SYNJ1: variants seen among roughly 807,000 people sequenced by gnomAD.
SYNJ1 encodes the protein synaptojanin 1, also known as polyphosphatidylinositol phosphatase SYNJ1.
A neutral mutation model predicts 168.2 loss-of-function variants in SYNJ1; 78 were observed. That is an observed-to-expected ratio of 0.46 (90% confidence interval 0.39 to 0.56). The LOEUF (loss-of-function observed/expected upper bound fraction) is 0.56, where lower values mean the gene tolerates loss of function less well. SYNJ1 is among the 20% of genes least tolerant of loss of function. SYNJ1 has a pLI of 0.00. For synonymous variants in SYNJ1, 539 were observed against 548.6 expected, an observed-to-expected ratio of 0.98 and a Z score of 0.24; for missense variants, 1,303 against 1,597.6, an observed-to-expected ratio of 0.82 and a Z score of 3.14.
rs2042440928 is a variant in SYNJ1 at position 32,702,470 on chromosome 21, GT to G, written c.125-424del. On this transcript the variant is annotated intron_variant, in intron 2 of 32. Coordinates refer to ENST00000674351, the MANE Select transcript of SYNJ1 (RefSeq NM_203446.3). Reference sequence around the variant, plus strand: ...TCTGCTATAAAGTTAACGTTACCTTGTTAATGAATATAAACCACAGAATAAT... The same window carrying G: ...TCTGCTATAAAGTTAACGTTACCTTGTAATGAATATAAACCACAGAATAAT... 1.3e-5 allele frequency among the ~76,000 whole-genome samples: 2 copies of G among 152,070 alleles called. 1 individual carries two copies. The highest frequency in any genetic ancestry group is 4.1e-4 in the South Asian group (2 of 4,832).
chr21:32,704,636 G>A (rs777340188), intron 2 of SYNJ1, among the ~76,000 whole-genome samples: 21 of 152,142 alleles, frequency 1.4e-4, no homozygotes, highest in African/African-American at 4.6e-4. Flanking sequence ...GGGGCACCCC[G>A]GCATGGTAAG....
chr21:32,722,885 A>C (rs1374961496), intron 2 of SYNJ1, among the ~76,000 whole-genome samples: 1 of 152,202 alleles, frequency 6.6e-6, no homozygotes, highest in Non-Finnish European at 1.5e-5. Context: ...AGCCCCATAA[A>C]AGACAACAGC....
At chr21:32,647,929 A>G (rs995878671) in intron 23 of SYNJ1, among the ~76,000 whole-genome samples, 7 of 151,910 alleles carry the variant, frequency 4.6e-5, no homozygotes, top group African/African-American at 1.7e-4. Context: ...TTACTGCAAA[A>G]CTCCTTAACC....
At chr21:32,704,058 A>G (rs2146247661) in intron 2 of SYNJ1, among the ~76,000 whole-genome samples, 1 of 152,268 alleles carries the variant, frequency 6.6e-6, no homozygotes, top group Admixed American at 6.5e-5. Context: ...AAAACAGAGA[A>G]GTCATTCTAT....
chr21:32,727,952 C>T lies in SYNJ1; in HGVS notation c.-29G>A, dbSNP rs2043550944. The T allele has an allele frequency of 6.5e-7, 1 of 1,533,726 alleles. No individual in the cohort carries two copies. The highest frequency in any genetic ancestry group is 1.4e-5 in the African/African-American group (1 of 72,708). Reference sequence around the variant, plus strand: ...CCCCCGCCGGCTTGCTCACCTCTTCCTCCGGCTCCTCCTCCTCCTTCTCCC... The same window carrying T: ...CCCCCGCCGGCTTGCTCACCTCTTCTTCCGGCTCCTCCTCCTCCTTCTCCC... On this transcript the variant is annotated 5_prime_UTR_variant, in exon 1 of 33. Coordinates refer to ENST00000674351, the MANE Select transcript of SYNJ1 (RefSeq NM_203446.3).
At position 32,678,769 on chromosome 21, in the gene SYNJ1, T is replaced by G; in HGVS notation, c.1386A>C (p.Thr462=). ...LKDGARSVTR[T]IQNNFFDSSK... ...AGCTGTCAAAGAAGTTATTCTGAAT[T>G]GTTCGGGTAACAGAGCGAGCACCAT... Residue 462 remains threonine, a synonymous_variant, in exon 12 of 33, where the codon ACA becomes ACC. Coordinates refer to ENST00000674351, the MANE Select transcript of SYNJ1 (RefSeq NM_203446.3). 1.2e-6 allele frequency: 2 copies of G among 1,612,832 alleles called. No homozygotes were observed. Among genetic ancestry groups the G allele is most frequent in the South Asian group, 2.2e-5 (2 of 90,802 alleles).
At chr21:32,681,679 T>G in intron 10 of SYNJ1, 31 bp from the exon 11 acceptor site, 1 of 1,572,296 alleles carries the variant, frequency 6.4e-7, no homozygotes, top group South Asian at 1.2e-5. Context: ...TTTTTATAAG[T>G]ACATTAATAT....
chr21:32,659,579 T>C (rs553009926), intron 18 of SYNJ1, among the ~76,000 whole-genome samples: 42 of 152,302 alleles, frequency 2.8e-4, no homozygotes, highest in African/African-American at 1.0e-3. Flanking sequence ...TGAAAATCCC[T>C]GTCCTGTTCT....
At chr21:32,695,611 T>C (rs1218935774) in intron 4 of SYNJ1, among the ~76,000 whole-genome samples, 1 of 151,658 alleles carries the variant, frequency 6.6e-6, no homozygotes, top group East Asian at 1.9e-4. Flanking sequence ...CCCCAATTTA[T>C]GAAGCTCTAC....
rs577468421 is a variant in SYNJ1, at chr21:32,657,095, A to G, written c.2487T>C (p.Ala829=). The G allele has an allele frequency of 6.2e-6, 10 of 1,613,206 alleles. No homozygotes were observed. In the East Asian group the frequency reaches 2.2e-4, roughly 36 times the overall value. The change falls in exon 20 of 33, where the codon GCT becomes GCC. Residue 829 remains alanine, a synonymous_variant. Coordinates refer to ENST00000674351, the MANE Select transcript of SYNJ1 (RefSeq NM_203446.3). ...GAATTTTGCTTTCATCTTGAAAACT[A>G]GCATTTAGAAGATCTAGATCTTCAG... ...RSAEDLDLLN[A]SFQDESKILY...
At chr21:32,656,111 A>G (rs2040445200) in intron 21 of SYNJ1, among the ~76,000 whole-genome samples, 1 of 152,206 alleles carries the variant, frequency 6.6e-6, no homozygotes, top group African/African-American at 2.4e-5. Context: ...ACTTGCACCT[A>G]TTTTTGTTTT....
chr21:32,650,225 A>T lies in SYNJ1; in HGVS notation c.2996T>A (p.Leu999His), dbSNP rs1601283152. The T allele has an allele frequency of 6.2e-7, 1 of 1,610,916 alleles. No homozygotes were observed. The change falls in exon 23 of 33, where the codon CTT (leucine) becomes CAT (histidine). Residue 999 changes from leucine (L) to histidine (H), a missense_variant. Transcript: ENST00000674351. Reference protein sequence around the residue: ...ALPSSTSSTLLGEDAEVAADF... With the variant: ...ALPSSTSSTLHGEDAEVAADF... ...TGCTGCAACCTCTGCATCTTCACCAAGCAGGGTAGAGCTTGTTGATGATGG... is the reference window on the plus strand; with the variant it reads ...TGCTGCAACCTCTGCATCTTCACCATGCAGGGTAGAGCTTGTTGATGATGG...
In SYNJ1 at chr21:32,675,613, T is replaced by C. The variant is rs367980652; in HGVS notation, c.1534+719A>G. ...CAAACAATTCTTAAGTGATAGCAAA[T>C]CCTTTTCAACTAAATTTCTGGCAAG... is the stretch of plus-strand genomic sequence containing the variant. On this transcript the variant is annotated intron_variant, in intron 13 of 32. Transcript: ENST00000674351. Among the ~76,000 whole-genome samples the C allele has an allele frequency of 3.3e-5, 5 of 152,170 alleles. No individual in the cohort carries two copies. The East Asian group carries it at 5.8e-4, about 18-fold the overall frequency.
At chr21:32,699,113 C>A (rs1449064355) in intron 4 of SYNJ1, among the ~76,000 whole-genome samples, 2 of 152,206 alleles carry the variant, frequency 1.3e-5, no homozygotes, top group Non-Finnish European at 2.9e-5. Context: ...ACTCAATTAG[C>A]AATGTCTATC....
At chr21:32,715,206 C>T (rs1456613457) in intron 2 of SYNJ1, among the ~76,000 whole-genome samples, 1 of 152,194 alleles carries the variant, frequency 6.6e-6, no homozygotes, top group Non-Finnish European at 1.5e-5. Flanking sequence ...GGCACGGTGG[C>T]TCACGCCTGT....
chr21:32,645,076 T>G, intron 25 of SYNJ1, 70 bp from the exon 26 acceptor site: 1 of 1,470,302 alleles, frequency 6.8e-7, no homozygotes, highest in African/African-American at 1.4e-5. Context: ...ATGTCAAAGA[T>G]TGCTATAGTA....
At chr21:32,634,741 T>G in intron 32 of SYNJ1, 120 bp downstream of exon 32, 1 of 1,004,796 alleles carries the variant, frequency 1.0e-6, no homozygotes, top group Middle Eastern at 2.2e-4. Context: ...ATAGAATTTA[T>G]TAATGGAGAC....
chr21:32,718,542 C>A (rs2043104743), intron 2 of SYNJ1, among the ~76,000 whole-genome samples: 1 of 152,066 alleles, frequency 6.6e-6, no homozygotes, highest in Non-Finnish European at 1.5e-5. Flanking sequence ...CATGATTTCT[C>A]TGCTGAAAAA....
At position 32,657,858 on chromosome 21, in the gene SYNJ1, A is replaced by G; in HGVS notation, c.2319T>C (p.Phe773=). Residue 773 remains phenylalanine, a synonymous_variant, in exon 19 of 33, where the codon TTT becomes TTC. Transcript: ENST00000674351. ...QKNAGQVFRG[F]LEGKVTFAPT... ...GAGCAAAGGTTACCTTTCCTTCTAA[A>G]AATCCTCTAAAAACCTAAAATAAAC... 6.2e-7 allele frequency: 1 copy of G among 1,608,504 alleles called. No individual in the cohort carries two copies. The highest frequency in any genetic ancestry group is 8.5e-7 in the Non-Finnish European group (1 of 1,178,536).
Sources: gnomAD v4.1 joint callset for allele counts (sites outside exome capture counted in the v4.1 genomes callset) on GRCh38, gnomAD v4.1.1 for gene constraint, MANE v1.5 for transcripts, NCBI Gene and HGNC (gene_info 2026-07-23, HGNC 2026-07-21) for gene names.